The following SLC5A12 variants were observed in gnomAD, a reference collection of about 807,000 sequenced individuals.
SLC5A12 encodes sodium-coupled monocarboxylate transporter 2.
In SLC5A12, 46 loss-of-function variants were observed where a neutral mutation model predicts 72.7. That is an observed-to-expected ratio of 0.63 (90% CI 0.50 to 0.81). The LOEUF is 0.81. Ranked by LOEUF, SLC5A12 falls within the 30% of genes least tolerant of loss-of-function variation. SLC5A12 has a pLI of 0.00. For synonymous variants in SLC5A12, 275 were observed against 264.4 expected (o/e 1.04, Z -0.39); for missense variants, 683 against 740.7 (o/e 0.92, Z 0.90).
intron 9 of SLC5A12, chr11:26,692,264 G>T: frequency 2.0e-6 from 1 of 511,656 alleles, no homozygotes; most frequent in Non-Finnish European, 3.6e-6. Flanking sequence ...GGTAAGTATA[G>T]AAGAGTATCT....
chr11:26,719,868 T>C (rs970682599), intron 1 of SLC5A12, among the ~76,000 whole-genome samples: 2 of 152,208 alleles, frequency 1.3e-5, no homozygotes, highest in Non-Finnish European at 2.9e-5. Flanking sequence ...ATTTAGCATA[T>C]GATATCTAAA....
At chr11:26,686,340 A>C in intron 10 of SLC5A12, 137 bp downstream of exon 10, 1 of 674,278 alleles carries the variant, frequency 1.5e-6, no homozygotes, top group South Asian at 2.3e-5. Flanking sequence ...TTTTACATGC[A>C]TTTTACATTT....
intron 11 of SLC5A12, among the ~76,000 whole-genome samples, chr11:26,681,720 T>A (rs140396434): frequency 2.0e-5 from 3 of 152,106 alleles, no homozygotes; most frequent in Non-Finnish European, 4.4e-5. Context: ...CATTTAATGG[T>A]CTTGTCATTT....
intron 5 of SLC5A12, 51 bp from the exon 6 acceptor site, chr11:26,703,722 G>A (rs374011353): frequency 1.2e-5 from 20 of 1,612,452 alleles, no homozygotes; most frequent in Non-Finnish European, 1.5e-5. Flanking sequence ...TGATGCCTAA[G>A]ATATTATTTT....
At chr11:26,671,557 T>C (rs1014079423) in intron 14 of SLC5A12, among the ~76,000 whole-genome samples, 3 of 152,106 alleles carry the variant, frequency 2.0e-5, no homozygotes, top group African/African-American at 7.2e-5. Context: ...AGTATTACCT[T>C]ATAAGGAGAA....
intron 11 of SLC5A12, among the ~76,000 whole-genome samples, chr11:26,682,859 T>C (rs1428422113): frequency 6.6e-6 from 1 of 152,132 alleles, no homozygotes; most frequent in Non-Finnish European, 1.5e-5. Context: ...TGATTAAGAC[T>C]GCTTGGGAAG....
At chr11:26,683,636 C>G in intron 11 of SLC5A12, 121 bp downstream of exon 11, 1 of 716,552 alleles carries the variant, frequency 1.4e-6, no homozygotes, top group South Asian at 1.8e-5. Context: ...CTGTTTAATT[C>G]TGCTGTGGAT....
intron 9 of SLC5A12, among the ~76,000 whole-genome samples, chr11:26,688,313 C>T (rs1352249107): frequency 2.0e-5 from 3 of 152,184 alleles, no homozygotes; most frequent in African/African-American, 7.2e-5. Context: ...GACAACAAAA[C>T]ACAGGCATAG....
intron 1 of SLC5A12, among the ~76,000 whole-genome samples, chr11:26,713,968 G>A (rs148033616): frequency 1.8e-3 from 278 of 152,082 alleles, no homozygotes; most frequent in Non-Finnish European, 3.2e-3. Context: ...TCTTTTGCCT[G>A]TCAAATTTCC....
Position 26,705,925 on chromosome 11 carries a change from TACACACACACACACACACAC to T in SLC5A12, c.526-1998_526-1979del, listed in dbSNP as rs71047876. 1.6e-3 allele frequency among the ~76,000 whole-genome samples: 212 copies of T among 129,712 alleles called. 1 individual carries two copies. The highest frequency in any genetic ancestry group is 3.5e-3 in the East Asian group (15 of 4,290). The allele number at this position is 129,712 out of a possible 152,430, so 85.1% of individuals were successfully genotyped here. ...GAGTCCTCACCTCTTTTCTCTGTCA[TACACACACACACACACACAC>T]ACACACACACACACACACACACACA... On this transcript the variant is annotated intron_variant, in intron 4 of 14. Transcript: ENST00000396005.
At chr11:26,684,518 ATCATGCC>A (rs1278330954) in intron 10 of SLC5A12, among the ~76,000 whole-genome samples, 3 of 152,146 alleles carry the variant, frequency 2.0e-5, no homozygotes, top group Non-Finnish European at 4.4e-5. Context: ...GTCACTAGCC[ATCATGCC>A]TCTCCTAGGA....
intron 4 of SLC5A12, among the ~76,000 whole-genome samples, chr11:26,708,737 T>C (rs534469844): frequency 6.6e-5 from 10 of 152,128 alleles, no homozygotes; most frequent in African/African-American, 2.2e-4. Context: ...TATATATAAT[T>C]GTATTAATTA....
chr11:26,679,890 T>C (rs1854351247), intron 12 of SLC5A12, among the ~76,000 whole-genome samples: 1 of 151,954 alleles, frequency 6.6e-6, no homozygotes, highest in Admixed American at 6.6e-5. Flanking sequence ...AATCTAGTGA[T>C]GCTTGGATAG....
chr11:26,718,842 A>C (rs1855413291), intron 1 of SLC5A12, among the ~76,000 whole-genome samples: 1 of 152,154 alleles, frequency 6.6e-6, no homozygotes, highest in Non-Finnish European at 1.5e-5. Context: ...ATAAAGCAAG[A>C]GGTAATCCCA....
At chr11:26,680,616 A>T (rs1854388728) in intron 12 of SLC5A12, among the ~76,000 whole-genome samples, 2 of 151,782 alleles carry the variant, frequency 1.3e-5, no homozygotes, top group Admixed American at 6.6e-5. Flanking sequence ...GTACAAAGGG[A>T]AATCCTTTGT....
Position 26,693,636 on chromosome 11 carries a change from A to C in SLC5A12, c.1041-1035T>G, listed in dbSNP as rs937080906. ...ATTCAAGTGATGCAAAATCACAACT[A>C]TGAGAAAAAAATTCTGGAAAAGAAA... On this transcript the variant is annotated intron_variant, in intron 8 of 14. Transcript: ENST00000396005. Among the ~76,000 whole-genome samples, 9 of 152,328 alleles carry C rather than the reference A, an allele frequency of 5.9e-5. No individual in the cohort carries two copies. In the South Asian group the frequency reaches 6.2e-4, roughly 11 times the overall value.
intron 13 of SLC5A12, among the ~76,000 whole-genome samples, chr11:26,676,541 A>G (rs977673001): frequency 2.0e-5 from 3 of 152,170 alleles, no homozygotes; most frequent in African/African-American, 4.8e-5. Flanking sequence ...TGTACACTGA[A>G]AAACAGAGTA....
chr11:26,708,107 G>T (rs1467150871), intron 4 of SLC5A12, among the ~76,000 whole-genome samples: 1 of 151,920 alleles, frequency 6.6e-6, no homozygotes, highest in Non-Finnish European at 1.5e-5. Context: ...CCAAATATCA[G>T]CCCTGATAAT....
chr11:26,712,095 G>A (rs1855243019), intron 2 of SLC5A12, among the ~76,000 whole-genome samples: 2 of 152,048 alleles, frequency 1.3e-5, no homozygotes, highest in Admixed American at 1.3e-4. Context: ...GAAAGTACTT[G>A]GTGAGTAGTA....
Sources: allele counts gnomAD v4.1 joint callset (sites outside exome capture counted in the v4.1 genomes callset), GRCh38; gene constraint gnomAD v4.1.1; transcripts MANE v1.5; gene names NCBI Gene and HGNC (gene_info 2026-07-23, HGNC 2026-07-21).